EPHA3: variants seen among roughly 807,000 people sequenced by gnomAD.
EPHA3 encodes ephrin type-A receptor 3.
A neutral mutation model predicts 107.1 loss-of-function variants in EPHA3; 42 were observed. The observed-to-expected ratio is 0.39, with a 90% CI of 0.31 to 0.51. The LOEUF (loss-of-function observed/expected upper bound fraction) is 0.51. Ranked by LOEUF, EPHA3 falls within the 20% of genes least tolerant of loss-of-function variation. The pLI is 0.78. For synonymous variants in EPHA3, 461 were observed against 424.8 expected, an observed-to-expected ratio of 1.09 and a Z score of -1.05; for missense variants, 1,183 against 1,211.2, an observed-to-expected ratio of 0.98 and a Z score of 0.35.
chr3:89,389,306 A>G (rs115947075), intron 5 of EPHA3, among the ~76,000 whole-genome samples: 1,681 of 152,344 alleles, frequency 0.011, 28 homozygotes, highest in African/African-American at 0.038. Context: ...AATGTTCCTC[A>G]GTAGGCATTG....
intron 2 of EPHA3, among the ~76,000 whole-genome samples, chr3:89,192,170 C>T (rs937163378): frequency 1.3e-5 from 2 of 151,966 alleles, no homozygotes; most frequent in Non-Finnish European, 2.9e-5. Context: ...ACATGTAGTG[C>T]GTGATTAAGG....
Position 89,116,000 on chromosome 3 carries a change from C to T in EPHA3, c.88+8164C>T, listed in dbSNP as rs138330841. ...ATTTGTAGTGAAAAATTGAAGAAAACCATATAAATGAGGGTACTTTGGAAC... is the reference window on the plus strand; with the variant it reads ...ATTTGTAGTGAAAAATTGAAGAAAATCATATAAATGAGGGTACTTTGGAAC... On this transcript the variant is annotated intron_variant, in intron 1 of 16. Coordinates refer to ENST00000336596, the MANE Select transcript of EPHA3 (RefSeq NM_005233.6). 4.7e-3 allele frequency among the ~76,000 whole-genome samples: 713 copies of T among 152,128 alleles called. 11 individuals carry two copies. The highest frequency in any genetic ancestry group is 0.016 in the African/African-American group (670 of 41,494).
chr3:89,324,155 C>CTTTTT (rs749957896), intron 3 of EPHA3, among the ~76,000 whole-genome samples: 1 of 118,984 alleles, frequency 8.4e-6, no homozygotes, highest in Non-Finnish European at 1.8e-5. Flanking sequence ...AGATGTCAGT[C>CTTTTT]TTTTTTTTTT....
chr3:89,258,490 A>G (rs960035572), intron 3 of EPHA3, among the ~76,000 whole-genome samples: 8 of 152,214 alleles, frequency 5.3e-5, no homozygotes, highest in African/African-American at 1.7e-4. Flanking sequence ...TTGCCATTGT[A>G]CATGACAAAT....
intron 3 of EPHA3, among the ~76,000 whole-genome samples, chr3:89,300,772 G>T (rs1364697978): frequency 6.6e-6 from 1 of 151,952 alleles, no homozygotes; most frequent in Middle Eastern, 3.2e-3. Context: ...TTTAATAAAG[G>T]ATATCCTGTG....
chr3:89,301,812 G>A (rs1239388777), intron 3 of EPHA3, among the ~76,000 whole-genome samples: 6 of 151,988 alleles, frequency 3.9e-5, no homozygotes, highest in South Asian at 4.1e-4. Context: ...ATGATAGTCC[G>A]GAATATTATG....
At chr3:89,240,934 A>G (rs1704879484) in intron 3 of EPHA3, among the ~76,000 whole-genome samples, 1 of 152,110 alleles carries the variant, frequency 6.6e-6, no homozygotes, top group African/African-American at 2.4e-5. Context: ...AACACAGTAC[A>G]TCTTGAAAAT....
At chr3:89,474,332 T>C (rs1202130640) in intron 16 of EPHA3, among the ~76,000 whole-genome samples, 1 of 152,198 alleles carries the variant, frequency 6.6e-6, no homozygotes, top group Non-Finnish European at 1.5e-5. Context: ...ATGTGGTGTT[T>C]ATTGAATAGA....
intron 3 of EPHA3, among the ~76,000 whole-genome samples, chr3:89,334,647 A>T (rs184269604): frequency 6.2e-4 from 94 of 152,296 alleles, no homozygotes; most frequent in Non-Finnish European, 9.6e-4. Flanking sequence ...GGTGTGCCAG[A>T]TATAGGGTGC....
chr3:89,253,885 T>C (rs992911058), intron 3 of EPHA3, among the ~76,000 whole-genome samples: 1 of 152,020 alleles, frequency 6.6e-6, no homozygotes, highest in Non-Finnish European at 1.5e-5. Context: ...ATTTTGATCA[T>C]TATAGGAGTT....
intron 2 of EPHA3, among the ~76,000 whole-genome samples, chr3:89,194,270 A>C (rs1397798333): frequency 6.6e-6 from 1 of 151,990 alleles, no homozygotes; most frequent in Non-Finnish European, 1.5e-5. Flanking sequence ...GTAATACTAT[A>C]TTTCTGTATT....
chr3:89,418,454 T>C (rs1384092907), intron 10 of EPHA3, among the ~76,000 whole-genome samples: 1 of 151,470 alleles, frequency 6.6e-6, no homozygotes, highest in Admixed American at 6.6e-5. Flanking sequence ...GTAGTGTCCA[T>C]ACTAGTTCTA....
intron 5 of EPHA3, among the ~76,000 whole-genome samples, chr3:89,373,662 A>G (rs1020566305): frequency 1.3e-5 from 2 of 151,782 alleles, no homozygotes; most frequent in African/African-American, 4.8e-5. Flanking sequence ...TCCCAGAGGG[A>G]ACTCACTTAT....
At chr3:89,355,817 A>AAT (rs1204836343) in intron 5 of EPHA3, among the ~76,000 whole-genome samples, 2 of 148,874 alleles carry the variant, frequency 1.3e-5, no homozygotes, top group South Asian at 2.1e-4. Context: ...AATGTGAATA[A>AAT]ATATATATAT....
chr3:89,479,023 C>A (rs1199677873), intron 16 of EPHA3, among the ~76,000 whole-genome samples: 1 of 152,138 alleles, frequency 6.6e-6, no homozygotes, highest in Non-Finnish European at 1.5e-5. Context: ...ATTTGTACAT[C>A]GCCTTCTTCT....
At chr3:89,213,037 A>G (rs541907156) in intron 3 of EPHA3, among the ~76,000 whole-genome samples, 1 of 152,140 alleles carries the variant, frequency 6.6e-6, no homozygotes, top group African/African-American at 2.4e-5. Context: ...AACAGCTGCC[A>G]AAGTTTCAAT....
chr3:89,445,980 A>ATGTG (rs147852790), intron 13 of EPHA3, among the ~76,000 whole-genome samples: 3 of 151,532 alleles, frequency 2.0e-5, no homozygotes, highest in Non-Finnish European at 4.4e-5. Context: ...TAACAATAAT[A>ATGTG]TGTGTGTGTG....
In EPHA3 at chr3:89,144,715, C is replaced by T. The variant is rs1032647977; in HGVS notation, c.153+17442C>T. ...AGTGCTGAATACTAGGCTTGCTCCT[C>T]GTTTCCAAACACTCTGTGGTTGTGT... On this transcript the variant is annotated intron_variant, in intron 2 of 16. Transcript: ENST00000336596. Among the ~76,000 whole-genome samples, 3 of 151,672 alleles carry T rather than the reference C, an allele frequency of 2.0e-5. No homozygotes were observed. The Admixed American group carries it at 2.0e-4, about 10-fold the overall frequency.
intron 3 of EPHA3, among the ~76,000 whole-genome samples, chr3:89,229,939 ATTTTAGAATATGTT>A (rs778220365): frequency 1.1e-3 from 174 of 152,184 alleles, no homozygotes; most frequent in Non-Finnish European, 1.9e-3. Flanking sequence ...TAAAATGTCA[ATTTTAGAATATGTT>A]AGAAATGGCA....
Sources: allele counts gnomAD v4.1 joint callset (sites outside exome capture counted in the v4.1 genomes callset), GRCh38; gene constraint gnomAD v4.1.1; transcripts MANE v1.5; gene names NCBI Gene and HGNC (gene_info 2026-07-23, HGNC 2026-07-21).